Variants in KIAA1217 observed in about 807,000 individuals in gnomAD.
The protein encoded by KIAA1217 is KIAA1217, also known as sickle tail protein homolog.
A neutral mutation model predicts 163.9 loss-of-function variants in KIAA1217; 88 were observed. That is an observed-to-expected ratio of 0.54 (90% CI 0.45 to 0.64). The LOEUF is 0.64. KIAA1217 is among the 30% of genes least tolerant of loss of function. The pLI, the probability that KIAA1217 is intolerant of heterozygous loss-of-function variation, is 0.00. For synonymous variants in KIAA1217, 903 were observed against 923.1 expected (o/e 0.98, Z 0.39); for missense variants, 2,372 against 2,475.0 (o/e 0.96, Z 0.88).
chr10:24,490,711 C>T (rs369954388), intron 6 of KIAA1217, among the ~76,000 whole-genome samples: 2 of 152,166 alleles, frequency 1.3e-5, no homozygotes, highest in South Asian at 2.1e-4. Flanking sequence ...CACTTGTATT[C>T]GGTGCTCTGT....
At chr10:23,935,991 A>G (rs1328612231) in intron 1 of KIAA1217, among the ~76,000 whole-genome samples, 2 of 152,200 alleles carry the variant, frequency 1.3e-5, no homozygotes, top group East Asian at 1.9e-4. Flanking sequence ...AGGACCTAAT[A>G]GGAGCCATGA....
intron 2 of KIAA1217, among the ~76,000 whole-genome samples, chr10:24,356,720 C>T (rs1051104237): frequency 6.6e-6 from 1 of 152,200 alleles, no homozygotes; most frequent in African/African-American, 2.4e-5. Context: ...CTCCCTTGCC[C>T]TTCCACAATT....
chr10:23,852,233 G>A (rs950505088), intron 1 of KIAA1217, among the ~76,000 whole-genome samples: 12 of 152,164 alleles, frequency 7.9e-5, no homozygotes, highest in African/African-American at 2.7e-4. Context: ...TTCTACATAT[G>A]GCTAGCCAGT....
chr10:24,271,764 AG>A lies in KIAA1217; in HGVS notation c.354+51856del, dbSNP rs2076790436. ...TGAGACCCTGTCTTAAAAAAAAAAA[AG>A]AGTGAGAATAATGAAACTGTGCACA... On this transcript the variant is annotated intron_variant, in intron 2 of 20. Coordinates refer to ENST00000376454, the MANE Select transcript of KIAA1217 (RefSeq NM_019590.5). Among the ~76,000 whole-genome samples, 12 of 151,946 alleles carry A rather than the reference AG, an allele frequency of 7.9e-5. No homozygotes were observed. In the South Asian group the frequency reaches 2.1e-3, roughly 26 times the overall value.
intron 1 of KIAA1217, among the ~76,000 whole-genome samples, chr10:23,882,344 AACAAGACATATC>A (rs1840987646): frequency 6.6e-6 from 1 of 151,880 alleles, no homozygotes; most frequent in Non-Finnish European, 1.5e-5. Context: ...GTTGCATGAA[AACAAGACATATC>A]ACTACCTAGA....
At chr10:24,431,209 A>G (rs781560386) in intron 3 of KIAA1217, among the ~76,000 whole-genome samples, 2 of 152,314 alleles carry the variant, frequency 1.3e-5, no homozygotes, top group East Asian at 3.9e-4. Context: ...ATGGGCTGCC[A>G]TATTGAACCG....
chr10:24,003,586 T>G (rs957564689), intron 1 of KIAA1217, among the ~76,000 whole-genome samples: 2 of 152,228 alleles, frequency 1.3e-5, no homozygotes, highest in African/African-American at 4.8e-5. Flanking sequence ...GCAGCCAAGT[T>G]GAATTTCTCA....
chr10:24,022,972 A>G lies in KIAA1217; in HGVS notation c.-171+15598A>G, dbSNP rs537861159. 2.0e-5 allele frequency among the ~76,000 whole-genome samples: 3 copies of G among 151,718 alleles called. No individual in the cohort carries two copies. The South Asian group carries it at 6.2e-4, about 31-fold the overall frequency. On this transcript the variant is annotated intron_variant, in intron 2 of 18. Transcript: ENST00000376462. ...ATAAAAAACCTACAGCAAATACTAT[A>G]GCCAATGGTGAAATATTGAAGGAAT... is the stretch of plus-strand genomic sequence containing the variant.
chr10:24,318,303 CTGAT>C (rs773068263), intron 2 of KIAA1217, among the ~76,000 whole-genome samples: 3 of 152,096 alleles, frequency 2.0e-5, no homozygotes, highest in Admixed American at 6.6e-5. Context: ...GACAGACAGA[CTGAT>C]TGAGTAAAGC....
intron 1 of KIAA1217, among the ~76,000 whole-genome samples, chr10:23,822,225 G>T (rs1837654646): frequency 6.6e-6 from 1 of 152,050 alleles, no homozygotes; most frequent in Non-Finnish European, 1.5e-5. Context: ...GCTTTTTTCA[G>T]GTTTCTGGCA....
intron 2 of KIAA1217, among the ~76,000 whole-genome samples, chr10:24,148,005 A>G (rs2064416510): frequency 6.6e-6 from 1 of 152,074 alleles, no homozygotes; most frequent in South Asian, 2.1e-4. Context: ...TTAAAATATA[A>G]GGTTAGAATA....
At chr10:24,334,074 A>G (rs2046023132) in intron 2 of KIAA1217, among the ~76,000 whole-genome samples, 1 of 152,152 alleles carries the variant, frequency 6.6e-6, no homozygotes, top group South Asian at 2.1e-4. Context: ...TCTCCTTCTA[A>G]GAGATCTTTA....
At chr10:23,744,587 G>T (rs962309778) in intron 1 of KIAA1217, among the ~76,000 whole-genome samples, 1 of 152,200 alleles carries the variant, frequency 6.6e-6, no homozygotes, top group African/African-American at 2.4e-5. Flanking sequence ...GCAGCCCTGG[G>T]AAGTACGTGG....
rs112390896 is a variant in KIAA1217 at position 23,909,327 on chromosome 10, C to A, written c.-320-97898C>A. 2.6e-3 allele frequency among the ~76,000 whole-genome samples: 401 copies of A among 151,780 alleles called. 2 individuals carry two copies. The highest frequency in any genetic ancestry group is 9.2e-3 in the African/African-American group (382 of 41,390). ...AATAACTTACTAATGTAACCAAACA[C>A]CACCTGTTCCCCAATAACCATTGGA... On this transcript the variant is annotated intron_variant, in intron 1 of 18. Coordinates refer to the KIAA1217 transcript ENST00000376462.
intron 1 of KIAA1217, among the ~76,000 whole-genome samples, chr10:23,888,888 T>C (rs1480798849): frequency 6.6e-6 from 1 of 151,858 alleles, no homozygotes; most frequent in Non-Finnish European, 1.5e-5. Flanking sequence ...CGATCTGACA[T>C]TTAGCACTAG....
rs763314719 is a variant in KIAA1217 at position 24,524,798 on chromosome 10, A to G, written c.2898+34A>G. 5.9e-6 allele frequency: 9 copies of G among 1,519,906 alleles called. No homozygotes were observed. In the East Asian group the frequency reaches 2.0e-4, roughly 35 times the overall value. 94.2% of individuals were successfully genotyped at this position (1,519,906 alleles called of 1,614,324 possible). On this transcript the variant is annotated intron_variant, in intron 13 of 20. Transcript: ENST00000376454. Reference sequence around the variant, plus strand: ...CTATTTCTGTTTCTCATAACCCCATAAAGGAGTCTGATACATGGACCTTTC... The same window carrying G: ...CTATTTCTGTTTCTCATAACCCCATGAAGGAGTCTGATACATGGACCTTTC...
At chr10:24,255,829 TAATTA>T (rs2075092146) in intron 2 of KIAA1217, among the ~76,000 whole-genome samples, 1 of 152,200 alleles carries the variant, frequency 6.6e-6, no homozygotes, top group African/African-American at 2.4e-5. Flanking sequence ...TGTTTAATGG[TAATTA>T]AATTGCTTTT....
chr10:24,277,567 C>A (rs550525904), intron 2 of KIAA1217, among the ~76,000 whole-genome samples: 2 of 152,204 alleles, frequency 1.3e-5, no homozygotes, highest in African/African-American at 4.8e-5. Flanking sequence ...ATCATGGGGG[C>A]GGTTTTCCCC....
chr10:23,785,220 T>C, intron 1 of KIAA1217, among the ~76,000 whole-genome samples: 1 of 152,138 alleles, frequency 6.6e-6, no homozygotes, highest in East Asian at 1.9e-4. Context: ...CACCCAGAAG[T>C]TCCCAGATGC....
Sources: allele counts gnomAD v4.1 joint callset (sites outside exome capture counted in the v4.1 genomes callset), GRCh38; gene constraint gnomAD v4.1.1; transcripts MANE v1.5; gene names NCBI Gene and HGNC (gene_info 2026-07-23, HGNC 2026-07-21).